TVP23A: variants seen among roughly 807,000 people sequenced by gnomAD.
TVP23A encodes Golgi apparatus membrane protein TVP23 homolog A.
A neutral mutation model predicts 31.7 loss-of-function variants in TVP23A; 21 were observed. The observed-to-expected ratio is 0.66, with a 90% CI of 0.47 to 0.95. The LOEUF (loss-of-function observed/expected upper bound fraction) is 0.95. Among genes scored for constraint, TVP23A ranks in the 40% least tolerant of loss-of-function variants. TVP23A has a pLI of 0.00. For missense variants in TVP23A, 279 were observed against 255.6 expected, an observed-to-expected ratio of 1.09 and a Z score of -0.62; for synonymous variants, 104 against 96.0, an observed-to-expected ratio of 1.08 and a Z score of -0.49.
intron 2 of TVP23A, among the ~76,000 whole-genome samples, chr16:10,805,280 C>T (rs2033891126): frequency 6.6e-6 from 1 of 152,070 alleles, no homozygotes; most frequent in South Asian, 2.1e-4. Context: ...GATCTGCCCA[C>T]CTCAGCCTCC....
At chr16:10,757,340 G>C (rs1900628236), downstream of TVP23A, among the ~76,000 whole-genome samples, 1 of 152,154 alleles carries the variant, frequency 6.6e-6, no homozygotes, top group African/African-American at 2.4e-5. This position sits in a 1 kb window ranked among gnomAD's most constrained non-coding sequence, Gnocchi z 4.1. Context: ...TGGTTTTATA[G>C]TGGCTTATTT....
intron 4 of TVP23A, 60 bp downstream of exon 4, chr16:10,773,979 C>A (rs2031815579): frequency 7.3e-7 from 1 of 1,376,318 alleles, no homozygotes; most frequent in African/African-American, 1.4e-5. Context: ...AAGGAACCCA[C>A]AGAAACTTTC....
At chr16:10,795,545 C>G (rs769129351) in intron 2 of TVP23A, among the ~76,000 whole-genome samples, 2 of 152,088 alleles carry the variant, frequency 1.3e-5, no homozygotes, top group Non-Finnish European at 1.5e-5. Context: ...GCCACTGTGC[C>G]CGGCCTATCT....
chr16:10,787,310 C>A (rs1209403928), intron 2 of TVP23A, among the ~76,000 whole-genome samples: 2 of 152,122 alleles, frequency 1.3e-5, no homozygotes, highest in Non-Finnish European at 2.9e-5. Context: ...TATTTTCTTT[C>A]CCAATAAAGA....
chr16:10,782,362 C>T (rs761462646), intron 2 of TVP23A, among the ~76,000 whole-genome samples: 13 of 152,164 alleles, frequency 8.5e-5, no homozygotes, highest in Non-Finnish European at 1.5e-4. Context: ...CTGCCCCTTG[C>T]TCCTTTGAAA....
rs1156873332 is a variant in TVP23A, at chr16:10,772,784, G to A, written c.453+529C>T. On this transcript the variant is annotated intron_variant, in intron 5 of 7. Coordinates refer to ENST00000299866, the MANE Select transcript of TVP23A (RefSeq NM_001079512.4). Reference sequence around the variant, plus strand: ...CACAGGGAAGCAATGTCAAAAGGGCGCAAGGCTTCTTCCGGTGATGAAAAT... The same window carrying A: ...CACAGGGAAGCAATGTCAAAAGGGCACAAGGCTTCTTCCGGTGATGAAAAT... Among the ~76,000 whole-genome samples the A allele has an allele frequency of 6.0e-5, 7 of 116,020 alleles. No homozygotes were observed. In the East Asian group the frequency reaches 6.6e-4, roughly 11 times the overall value. 76.1% of individuals were successfully genotyped at this position (116,020 alleles called of 152,430 possible).
downstream of TVP23A, chr16:10,765,212 C>T (rs1462568117): frequency 6.6e-6 from 1 of 151,738 alleles, no homozygotes; most frequent in Non-Finnish European, 1.5e-5. The surrounding 1 kb of genome is among the most constrained non-coding windows in gnomAD (Gnocchi z 4.0). Context: ...AAATCTATAT[C>T]CTTACCCAAA....
At chr16:10,763,152 G>A (rs1006712865), downstream of TVP23A, among the ~76,000 whole-genome samples, 22 of 152,112 alleles carry the variant, frequency 1.4e-4, no homozygotes, top group East Asian at 5.8e-4. Flanking sequence ...GAGGGAGGCC[G>A]GGCCCTCTGG....
intron 2 of TVP23A, among the ~76,000 whole-genome samples, chr16:10,787,589 C>A (rs1397311594): frequency 1.3e-5 from 2 of 152,094 alleles, no homozygotes; most frequent in Non-Finnish European, 2.9e-5. Context: ...AATGTCACCC[C>A]GGTCCAACCA....
At chr16:10,787,590 G>A (rs545601859) in intron 2 of TVP23A, among the ~76,000 whole-genome samples, 26 of 152,162 alleles carry the variant, frequency 1.7e-4, no homozygotes, top group African/African-American at 6.3e-4. Flanking sequence ...ATGTCACCCC[G>A]GTCCAACCAA....
rs939070097 is a variant in TVP23A, at chr16:10,818,766, G to C, written c.-273C>G. On this transcript the variant is annotated 5_prime_UTR_variant, in exon 1 of 8. Transcript: ENST00000299866. The surrounding 1 kb of genome is among the most constrained non-coding windows in gnomAD (Gnocchi z 4.7). The stretch of plus-strand genomic sequence containing the variant: ...GGCGGCAGGGAGGCAACGGCCTGGG[G>C]AACTGCGGACAGAGATAGTGGGAGG... 2.1e-6 allele frequency: 1 copy of C among 482,480 alleles called. No homozygotes were observed. Among genetic ancestry groups the C allele is most frequent in the African/African-American group, 2.1e-5 (1 of 48,438 alleles). 29.9% of individuals were successfully genotyped at this position (482,480 alleles called of 1,614,324 possible).
intron 2 of TVP23A, among the ~76,000 whole-genome samples, chr16:10,816,925 TCACACACA>T (rs58142989): frequency 1.9e-3 from 271 of 145,892 alleles, no homozygotes; most frequent in East Asian, 9.7e-3. Context: ...CAGGGAAACT[TCACACACA>T]CACACACACA....
intron 2 of TVP23A, among the ~76,000 whole-genome samples, chr16:10,811,707 A>C (rs572301075): frequency 6.6e-6 from 1 of 152,170 alleles, no homozygotes; most frequent in East Asian, 1.9e-4. Context: ...GATCGAGACC[A>C]TCCTGGCTAA....
intron 2 of TVP23A, among the ~76,000 whole-genome samples, chr16:10,810,958 C>A (rs74007553): frequency 0.13 from 19,175 of 152,170 alleles, 3,500 homozygotes; most frequent in African/African-American, 0.4. Context: ...ATCTCTTTCT[C>A]CATACTTACA....
downstream of TVP23A, among the ~76,000 whole-genome samples, chr16:10,766,448 G>C (rs2030885772): frequency 6.6e-6 from 1 of 152,108 alleles, no homozygotes; most frequent in Non-Finnish European, 1.5e-5. The surrounding 1 kb of genome is among the most constrained non-coding windows in gnomAD (Gnocchi z 4.8). Flanking sequence ...ATGTGTGTTG[G>C]GGGCTGGGGA....
chr16:10,818,633 C>A lies in TVP23A; in HGVS notation c.-140G>T, dbSNP rs2034553040. The A allele has an allele frequency of 4.5e-6, 5 of 1,102,646 alleles. No individual in the cohort carries two copies. The highest frequency in any genetic ancestry group is 2.7e-4 in the Middle Eastern group (1 of 3,642). The allele number at this position is 1,102,646 out of a possible 1,614,324, so 68.3% of individuals were successfully genotyped here. Reference sequence around the variant, plus strand: ...GGGTCGGGGCCTGCGCCCTGTGGGGCAGCCTCAGCGCAGCTTCTCGGGTGG... The same window carrying A: ...GGGTCGGGGCCTGCGCCCTGTGGGGAAGCCTCAGCGCAGCTTCTCGGGTGG... On this transcript the variant is annotated 5_prime_UTR_variant, in exon 1 of 8. Transcript: ENST00000299866. This position sits in a 1 kb window ranked among gnomAD's most constrained non-coding sequence, Gnocchi z 4.7.
At chr16:10,775,731 G>T (rs2031963446) in intron 2 of TVP23A, among the ~76,000 whole-genome samples, 2 of 147,684 alleles carry the variant, frequency 1.4e-5, no homozygotes, top group South Asian at 4.4e-4. Flanking sequence ...CTCATCCTGT[G>T]TAAATTGCTT....
chr16:10,791,808 G>A (rs138180238), intron 2 of TVP23A, among the ~76,000 whole-genome samples: 1 of 152,092 alleles, frequency 6.6e-6, no homozygotes, highest in Non-Finnish European at 1.5e-5. Flanking sequence ...GTAGAGACAG[G>A]GTTTCACTGT....
intron 2 of TVP23A, among the ~76,000 whole-genome samples, chr16:10,788,013 G>A (rs1231070638): frequency 6.6e-6 from 1 of 152,070 alleles, no homozygotes; most frequent in African/African-American, 2.4e-5. Context: ...CAGCCCCATG[G>A]GGTCCTGAGA....
Sources: gnomAD v4.1 joint callset for allele counts (sites outside exome capture counted in the v4.1 genomes callset) on GRCh38, gnomAD v4.1.1 for gene constraint, Gnocchi (gnomAD v3.1) non-coding constraint, MANE v1.5 for transcripts, NCBI Gene and HGNC (gene_info 2026-07-23, HGNC 2026-07-21) for gene names.